Variants in KIAA1549L observed in about 807,000 individuals in gnomAD.
KIAA1549L encodes the protein KIAA1549 like.
KIAA1549L carries 88 observed loss-of-function variants against 160.7 expected under a neutral mutation model. The observed-to-expected ratio is 0.55, with a 90% CI of 0.46 to 0.65. The LOEUF is 0.65. Among genes scored for constraint, KIAA1549L ranks in the 30% least tolerant of loss-of-function variants. The pLI is 0.00. For missense variants in KIAA1549L, 2,258 were observed against 2,437.5 expected (o/e 0.93, Z 1.55); for synonymous variants, 950 against 976.7 (o/e 0.97, Z 0.51).
chr11:33,612,508 T>C (rs529327765), intron 15 of KIAA1549L, among the ~76,000 whole-genome samples: 1 of 152,298 alleles, frequency 6.6e-6, no homozygotes, highest in East Asian at 1.9e-4. Context: ...CCTCCTGCCT[T>C]GGCCTTCCAG....
In KIAA1549L at chr11:33,559,876, T is replaced by C; in HGVS notation, c.3983T>C (p.Phe1328Ser). 1.9e-6 allele frequency: 3 copies of C among 1,614,042 alleles called. No individual in the cohort carries two copies. The highest frequency in any genetic ancestry group is 2.5e-6 in the Non-Finnish European group (3 of 1,179,886). ...CAGCTCTCGGCTGAGCTGGTGGGAT[T>C]CTACCTCACCTATCCGCCGCTAACC... ...LSQLSAELVG[F>S]YLTYPPLTIA... Residue 1328 changes from phenylalanine (F) to serine (S), a missense_variant, in exon 7 of 21, where the codon TTC becomes TCC. Around this residue, in one of 6 missense-constraint regions of KIAA1549L, gnomAD observed 1,359 missense variants for 1,546.6 expected, o/e 0.88. Coordinates refer to ENST00000658780, the MANE Select transcript of KIAA1549L (RefSeq NM_012194.3).
rs149306732 is a variant in KIAA1549L at position 33,526,368 on chromosome 11, G to C, written c.239-15434G>C. Among the ~76,000 whole-genome samples, 188 of 152,304 alleles carry C rather than the reference G, an allele frequency of 1.2e-3. 2 individuals carry two copies. The highest frequency in any genetic ancestry group is 4.4e-3 in the African/African-American group (182 of 41,548). On this transcript the variant is annotated intron_variant, in intron 1 of 20. Coordinates refer to ENST00000658780, the MANE Select transcript of KIAA1549L (RefSeq NM_012194.3). ...CACTGCTAGCATAACCAGCATTTGA[G>C]GAAACCAGCACACTAAATGAAACTA...
intron 7 of KIAA1549L, 111 bp downstream of exon 7, chr11:33,560,022 C>A: frequency 9.8e-7 from 1 of 1,016,348 alleles, no homozygotes; most frequent in East Asian, 2.4e-5. Flanking sequence ...CATAAAGTGA[C>A]AGCTAAAATA....
intron 1 of KIAA1549L, among the ~76,000 whole-genome samples, chr11:33,400,846 T>G (rs1012065898): frequency 1.3e-5 from 2 of 152,216 alleles, no homozygotes; most frequent in Admixed American, 1.3e-4. Context: ...AGACCTCTTA[T>G]GAGGTAAGAA....
At chr11:33,393,533 C>T (rs975732747) in intron 1 of KIAA1549L, among the ~76,000 whole-genome samples, 3 of 152,192 alleles carry the variant, frequency 2.0e-5, no homozygotes, top group Non-Finnish European at 2.9e-5. Context: ...AGGACACACA[C>T]GGTTATTAGC....
intron 1 of KIAA1549L, among the ~76,000 whole-genome samples, chr11:33,401,720 C>T (rs189647643): frequency 5.5e-4 from 84 of 152,316 alleles, no homozygotes; most frequent in South Asian, 4.3e-3. Flanking sequence ...TGCCACAATG[C>T]CCAGCTAATT....
intron 9 of KIAA1549L, among the ~76,000 whole-genome samples, chr11:33,568,872 C>G (rs901237425): frequency 6.6e-6 from 1 of 152,162 alleles, no homozygotes; most frequent in Non-Finnish European, 1.5e-5. Context: ...ACCTGCTTTG[C>G]CCATGCCATG....
Position 33,660,984 on chromosome 11 carries a change from G to C in KIAA1549L, c.6129G>C (p.Glu2043Asp). The C allele has an allele frequency of 6.2e-7, 1 of 1,611,028 alleles. No homozygotes were observed. Among genetic ancestry groups the C allele is most frequent in the East Asian group, 2.2e-5 (1 of 44,738 alleles). Residue 2043 changes from glutamate to aspartate, a missense_variant, in exon 20 of 21, where the codon GAG becomes GAC. By Grantham distance (45) the Glu-to-Asp change is conservative (BLOSUM62 2). Transcript: ENST00000658780. Reference sequence around the variant, plus strand: ...AGGCCTGGATGTCCTATGCAGGAGAGAATGAGCTCCCGAGCCAGTGGGCAG... The same window carrying C: ...AGGCCTGGATGTCCTATGCAGGAGACAATGAGCTCCCGAGCCAGTGGGCAG... ...RNQAWMSYAG[E>D]NELPSQWADS...
intron 1 of KIAA1549L, among the ~76,000 whole-genome samples, chr11:33,381,186 T>C (rs1327268150): frequency 6.6e-6 from 1 of 152,088 alleles, no homozygotes; most frequent in Admixed American, 6.5e-5. Flanking sequence ...ACTTGAGTAA[T>C]ACTGACGATG....
chr11:33,380,847 G>A (rs569953367), intron 1 of KIAA1549L, among the ~76,000 whole-genome samples: 13 of 152,078 alleles, frequency 8.5e-5, no homozygotes, highest in African/African-American at 2.2e-4. Context: ...CCTCCTTGCC[G>A]CTCCCCAAAC....
intron 17 of KIAA1549L, among the ~76,000 whole-genome samples, chr11:33,650,763 CCT>C (rs1158110148): frequency 1.3e-5 from 2 of 152,176 alleles, no homozygotes; most frequent in Non-Finnish European, 2.9e-5. Flanking sequence ...CGCACCTGCC[CCT>C]CTCCGGTGGC....
rs182085457 is a variant in KIAA1549L, at chr11:33,579,569, G to A, written c.4403-3769G>A. On this transcript the variant is annotated intron_variant, in intron 10 of 20. Coordinates refer to ENST00000658780, the MANE Select transcript of KIAA1549L (RefSeq NM_012194.3). ...GAGATTCAGCTCCCACTTACTATGTGCTTAACAGGTGCCCCAGGACTGGGG... is the reference window on the plus strand; with the variant it reads ...GAGATTCAGCTCCCACTTACTATGTACTTAACAGGTGCCCCAGGACTGGGG... 4.0e-3 allele frequency among the ~76,000 whole-genome samples: 606 copies of A among 152,082 alleles called. 6 individuals are homozygous for A. Among genetic ancestry groups the A allele is most frequent in the African/African-American group, 0.014 (582 of 41,506 alleles).
chr11:33,498,281 T>C (rs1205681188), intron 1 of KIAA1549L, among the ~76,000 whole-genome samples: 1 of 152,212 alleles, frequency 6.6e-6, no homozygotes, highest in African/African-American at 2.4e-5. Context: ...TCTTCCTCTT[T>C]CCAATTTTTT....
intron 1 of KIAA1549L, among the ~76,000 whole-genome samples, chr11:33,513,060 G>GT (rs2133109546): frequency 6.6e-6 from 1 of 152,248 alleles, no homozygotes; most frequent in East Asian, 1.9e-4. Context: ...TCAAGATACA[G>GT]GGACAGAGAA....
At chr11:33,663,428 A>G (rs777104703) in intron 20 of KIAA1549L, among the ~76,000 whole-genome samples, 2 of 152,182 alleles carry the variant, frequency 1.3e-5, no homozygotes, top group Non-Finnish European at 2.9e-5. Context: ...TGCATCTACT[A>G]TAAGGGAGGA....
intron 1 of KIAA1549L, among the ~76,000 whole-genome samples, chr11:33,406,148 A>G (rs992104138): frequency 3.3e-5 from 5 of 152,210 alleles, no homozygotes; most frequent in African/African-American, 9.6e-5. Context: ...CACAATTACA[A>G]TTTGATTATA....
chr11:33,462,076 C>G (rs184879028), intron 1 of KIAA1549L, among the ~76,000 whole-genome samples: 1 of 152,170 alleles, frequency 6.6e-6, no homozygotes, highest in Non-Finnish European at 1.5e-5. Context: ...ATTTTTAATC[C>G]GTAAGCGGAT....
chr11:33,384,016 G>A (rs759502658), intron 1 of KIAA1549L, among the ~76,000 whole-genome samples: 11 of 151,966 alleles, frequency 7.2e-5, no homozygotes, highest in Non-Finnish European at 1.3e-4. Flanking sequence ...TCCTTTGTAG[G>A]TGTGCTGCAT....
At chr11:33,511,947 A>C (rs1303103713) in intron 1 of KIAA1549L, among the ~76,000 whole-genome samples, 1 of 152,228 alleles carries the variant, frequency 6.6e-6, no homozygotes, top group Non-Finnish European at 1.5e-5. Context: ...TATACAATAA[A>C]GTTAGCTGCG....
Sources: gnomAD v4.1 joint callset for allele counts (sites outside exome capture counted in the v4.1 genomes callset) on GRCh38, gnomAD v4.1.1 for gene constraint, gnomAD v4.1.1 regional missense constraint, MANE v1.5 for transcripts, NCBI Gene and HGNC (gene_info 2026-07-23, HGNC 2026-07-21) for gene names.